DTNA: variants seen among roughly 807,000 people sequenced by gnomAD.
DTNA encodes dystrophin-related protein 3.
DTNA carries 43 observed loss-of-function variants against 100.7 expected under a neutral mutation model. The ratio of observed to expected loss-of-function variants is 0.43; its 90% CI spans 0.33 to 0.55. DTNA has a LOEUF of 0.55. Among genes scored for constraint, DTNA ranks in the 20% least tolerant of loss-of-function variants. The pLI is 0.04. For synonymous variants in DTNA, 349 were observed against 347.9 expected (o/e 1.00, Z -0.04); for missense variants, 798 against 953.9 (o/e 0.84, Z 2.15).
At chr18:34,616,685 A>T (rs1251543980) in intron 1 of DTNA, among the ~76,000 whole-genome samples, 1 of 152,226 alleles carries the variant, frequency 6.6e-6, no homozygotes, top group Non-Finnish European at 1.5e-5. Flanking sequence ...GTTTGATAGG[A>T]ATAGCATTGA....
intron 1 of DTNA, among the ~76,000 whole-genome samples, chr18:34,749,055 G>A (rs890000137): frequency 1.4e-4 from 21 of 151,962 alleles, no homozygotes; most frequent in South Asian, 8.3e-4. Context: ...ATTTTATTTT[G>A]TTTTATTTTA....
chr18:34,498,195 C>A (rs985769435), intron 1 of DTNA, among the ~76,000 whole-genome samples: 1 of 152,066 alleles, frequency 6.6e-6, no homozygotes, highest in Admixed American at 6.6e-5. Flanking sequence ...GCGGGCAGAT[C>A]ACAAGGTCAG....
At chr18:34,549,018 C>G (rs1373834050) in intron 1 of DTNA, among the ~76,000 whole-genome samples, 1 of 152,058 alleles carries the variant, frequency 6.6e-6, no homozygotes, top group Non-Finnish European at 1.5e-5. Context: ...TTATTCCCAC[C>G]TTAATAAGTG....
At chr18:34,504,895 T>G (rs1007347948) in intron 1 of DTNA, among the ~76,000 whole-genome samples, 4 of 152,176 alleles carry the variant, frequency 2.6e-5, no homozygotes, top group African/African-American at 9.7e-5. Flanking sequence ...TTGGGAAGTT[T>G]TCAGCCATTT....
chr18:34,805,981 G>A (rs899535538), intron 4 of DTNA, among the ~76,000 whole-genome samples: 2 of 152,180 alleles, frequency 1.3e-5, no homozygotes, highest in Non-Finnish European at 2.9e-5. Context: ...CAAAGAATAA[G>A]CTAAGAGATT....
chr18:34,875,993 C>A (rs1291162375), intron 18 of DTNA, among the ~76,000 whole-genome samples: 1 of 152,162 alleles, frequency 6.6e-6, no homozygotes, highest in East Asian at 1.9e-4. Context: ...ATTTTTAACA[C>A]TTTTTAAAAC....
At chr18:34,735,608 G>A (rs2089397727) in intron 1 of DTNA, among the ~76,000 whole-genome samples, 1 of 151,506 alleles carries the variant, frequency 6.6e-6, no homozygotes, top group Non-Finnish European at 1.5e-5. Flanking sequence ...TTATTTCATT[G>A]CCTGGCCTCA....
intron 1 of DTNA, among the ~76,000 whole-genome samples, chr18:34,542,596 C>T (rs558849601): frequency 4.8e-4 from 73 of 151,814 alleles, no homozygotes; most frequent in Non-Finnish European, 7.8e-4. Flanking sequence ...GTTTTCAGTT[C>T]ATGTTGCTGA....
chr18:34,551,264 C>G (rs2045381551), intron 1 of DTNA, among the ~76,000 whole-genome samples: 1 of 152,138 alleles, frequency 6.6e-6, no homozygotes, highest in African/African-American at 2.4e-5. Flanking sequence ...AGGCCTTTCT[C>G]TTCACCCTAC....
chr18:34,740,124 G>T (rs562751750), intron 1 of DTNA, among the ~76,000 whole-genome samples: 4 of 151,990 alleles, frequency 2.6e-5, no homozygotes, highest in Admixed American at 6.6e-5. Flanking sequence ...AATCCCTTTC[G>T]CCACCTTTTG....
chr18:34,605,750 A>G (rs10438940), intron 1 of DTNA, among the ~76,000 whole-genome samples: 11,520 of 152,186 alleles, frequency 0.076, 554 homozygotes, highest in African/African-American at 0.11. Flanking sequence ...TAGCAGACAC[A>G]GCTAGGGTTG....
intron 17 of DTNA, among the ~76,000 whole-genome samples, chr18:34,873,424 A>G (rs2096784701): frequency 6.6e-6 from 1 of 152,226 alleles, no homozygotes; most frequent in Admixed American, 6.5e-5. Context: ...AAAAGGGTGT[A>G]CAAGAGGAAT....
chr18:34,841,561 A>C (rs924300829), intron 13 of DTNA, among the ~76,000 whole-genome samples: 7 of 152,168 alleles, frequency 4.6e-5, no homozygotes, highest in Non-Finnish European at 1.0e-4. Flanking sequence ...GTATTTATGA[A>C]ATGCTCCAAA....
chr18:34,677,438 G>A (rs2077526912), intron 1 of DTNA, among the ~76,000 whole-genome samples: 1 of 152,114 alleles, frequency 6.6e-6, no homozygotes, highest in African/African-American at 2.4e-5. Flanking sequence ...ATCCTAAGAG[G>A]TCCCTAGGAC....
chr18:34,772,508 C>T (rs1405755022), intron 3 of DTNA, among the ~76,000 whole-genome samples: 3 of 152,176 alleles, frequency 2.0e-5, no homozygotes, highest in Non-Finnish European at 1.5e-5. Context: ...AACGAATATG[C>T]TCCACTAGAT....
chr18:34,569,294 C>T (rs563374737), intron 1 of DTNA, among the ~76,000 whole-genome samples: 4 of 152,094 alleles, frequency 2.6e-5, no homozygotes, highest in Non-Finnish European at 2.9e-5. Context: ...AGACCAAACT[C>T]GCAACAGATT....
rs2096480828 is a variant in DTNA, at chr18:34,851,654, T to A, written c.1435-177T>A. Among the ~76,000 whole-genome samples, 3 of 152,194 alleles carry A rather than the reference T, an allele frequency of 2.0e-5. No homozygotes were observed. In the South Asian group the frequency reaches 6.2e-4, roughly 32 times the overall value. The stretch of plus-strand genomic sequence containing the variant: ...TTCCACCTCACAGATGTGCTCCAGA[T>A]CCACAGAAAAGTTGGTCCATAGGAG... On this transcript the variant is annotated intron_variant, in intron 14 of 22. Transcript: ENST00000444659.
chr18:34,556,506 T>G (rs1287705236), intron 1 of DTNA, among the ~76,000 whole-genome samples: 1 of 152,064 alleles, frequency 6.6e-6, no homozygotes, highest in Non-Finnish European at 1.5e-5. Context: ...CAGCGGCTGG[T>G]ACCGGTTGTT....
chr18:34,756,875 T>A (rs2092812469), intron 2 of DTNA, among the ~76,000 whole-genome samples: 1 of 152,194 alleles, frequency 6.6e-6, no homozygotes, highest in Non-Finnish European at 1.5e-5. Flanking sequence ...TTTTATCTCT[T>A]CTTCCTGCAT....
Sources: allele counts gnomAD v4.1 joint callset (sites outside exome capture counted in the v4.1 genomes callset), GRCh38; gene constraint gnomAD v4.1.1; transcripts MANE v1.5; gene names NCBI Gene and HGNC (gene_info 2026-07-23, HGNC 2026-07-21).